The following CNTN4 variants were observed in gnomAD, a reference collection of about 807,000 sequenced individuals.
The protein encoded by CNTN4 is contactin-4.
A neutral mutation model predicts 122.5 loss-of-function variants in CNTN4; 77 were observed. That is an observed-to-expected ratio of 0.63 (90% CI 0.52 to 0.76). The LOEUF (loss-of-function observed/expected upper bound fraction) is 0.76, where lower values mean the gene tolerates loss of function less well. Among genes scored for constraint, CNTN4 ranks in the 30% least tolerant of loss-of-function variants. The probability of loss-of-function intolerance (pLI) is 0.00; values close to 1 mark genes in which losing one functional copy is unlikely to be tolerated. For synonymous variants in CNTN4, 512 were observed against 447.0 expected (o/e 1.15, Z -1.83); for missense variants, 1,256 against 1,259.1 (o/e 1.00, Z 0.04).
chr3:2,496,391 A>G (rs1187450577), intron 3 of CNTN4, among the ~76,000 whole-genome samples: 1 of 152,190 alleles, frequency 6.6e-6, no homozygotes, highest in East Asian at 1.9e-4. Flanking sequence ...CTTTCTCCAC[A>G]AAGTTCAGAA....
At position 2,895,800 on chromosome 3, in the gene CNTN4, C is replaced by T. The variant is rs186185089; in HGVS notation, c.941-4885C>T. On this transcript the variant is annotated intron_variant, in intron 10 of 24. Coordinates refer to ENST00000418658, the MANE Select transcript of CNTN4 (RefSeq NM_175607.3). ...CTGTCATCCCAGCACTTTGGGAGGC[C>T]GAGGCGGGCGGATCACAAGGTCAGG... Among the ~76,000 whole-genome samples, 61 of 152,230 alleles carry T rather than the reference C, an allele frequency of 4.0e-4. No homozygotes were observed. In the East Asian group the frequency reaches 5.8e-3, roughly 14 times the overall value.
intron 6 of CNTN4, among the ~76,000 whole-genome samples, chr3:2,799,286 A>C (rs1395617583): frequency 6.6e-6 from 1 of 152,006 alleles, no homozygotes; most frequent in Non-Finnish European, 1.5e-5. Context: ...TATTCTTCAG[A>C]TTGTCTATTC....
rs1559779246 is a variant in CNTN4 at position 3,006,035 on chromosome 3, ACCC to A, written c.1486+17566_1486+17568del. 3.3e-5 allele frequency among the ~76,000 whole-genome samples: 5 copies of A among 150,130 alleles called. No individual in the cohort carries two copies. In the East Asian group the frequency reaches 9.8e-4, roughly 29 times the overall value. ...CAAGTAGCTGGGACTACAGGCGCCC[ACCC>A]CCACGCTCGGCTAATTTTTTTTTGC... On this transcript the variant is annotated intron_variant, in intron 14 of 24. Coordinates refer to ENST00000418658, the MANE Select transcript of CNTN4 (RefSeq NM_175607.3).
intron 3 of CNTN4, among the ~76,000 whole-genome samples, chr3:2,398,330 T>C (rs1293267045): frequency 6.6e-6 from 1 of 152,166 alleles, no homozygotes; most frequent in Non-Finnish European, 1.5e-5. Context: ...TAACTCATTT[T>C]CTATTTTAAA....
intron 2 of CNTN4, among the ~76,000 whole-genome samples, chr3:2,236,524 A>G (rs569719000): frequency 6.6e-6 from 1 of 152,202 alleles, no homozygotes; most frequent in African/African-American, 2.4e-5. Flanking sequence ...AAGAGTAAAT[A>G]GTTTTGTTTT....
chr3:2,328,022 A>G (rs977144570), intron 2 of CNTN4, among the ~76,000 whole-genome samples: 20 of 152,218 alleles, frequency 1.3e-4, no homozygotes, highest in Admixed American at 2.6e-4. Context: ...GTTGCCAAGA[A>G]GAATTTGAAC....
chr3:2,767,682 A>G (rs2090922580), intron 6 of CNTN4, among the ~76,000 whole-genome samples: 1 of 152,196 alleles, frequency 6.6e-6, no homozygotes, highest in East Asian at 1.9e-4. Context: ...ACTAATCCCA[A>G]ACAGTGAATT....
At chr3:3,036,927 G>A (rs961070671) in intron 17 of CNTN4, among the ~76,000 whole-genome samples, 2 of 152,168 alleles carry the variant, frequency 1.3e-5, no homozygotes, top group African/African-American at 4.8e-5. Flanking sequence ...GTAGTTTGGG[G>A]TCTTGTGGAC....
At chr3:2,564,978 A>G (rs1353122124) in intron 3 of CNTN4, among the ~76,000 whole-genome samples, 1 of 152,106 alleles carries the variant, frequency 6.6e-6, no homozygotes, top group African/African-American at 2.4e-5. Context: ...ATGTACTCAT[A>G]TTTATGGTTA....
At chr3:2,161,798 G>T (rs766617907) in intron 2 of CNTN4, among the ~76,000 whole-genome samples, 2 of 152,298 alleles carry the variant, frequency 1.3e-5, no homozygotes, top group Non-Finnish European at 2.9e-5. Flanking sequence ...TGAGGTTTGT[G>T]TATGTTAGAG....
rs550455067 is a variant in CNTN4, at chr3:2,549,559, A to T, written c.-88-21857A>T. Among the ~76,000 whole-genome samples the T allele has an allele frequency of 1.8e-3, 267 of 152,268 alleles. 1 individual carries two copies. The highest frequency in any genetic ancestry group is 6.1e-3 in the African/African-American group (255 of 41,566). ...TCCCAAGGATGAAGCCGACTTGATC[A>T]TGGTGGATAAGCTTTTTGATGTACT... On this transcript the variant is annotated intron_variant, in intron 3 of 24. Coordinates refer to ENST00000418658, the MANE Select transcript of CNTN4 (RefSeq NM_175607.3).
chr3:2,536,179 C>T (rs1473794700), intron 3 of CNTN4, among the ~76,000 whole-genome samples: 2 of 152,120 alleles, frequency 1.3e-5, no homozygotes, highest in Non-Finnish European at 2.9e-5. Flanking sequence ...CCATATAACT[C>T]AAAGATGACG....
chr3:2,761,123 C>G (rs565063849), intron 6 of CNTN4, among the ~76,000 whole-genome samples: 53 of 152,258 alleles, frequency 3.5e-4, no homozygotes, highest in African/African-American at 1.2e-3. Context: ...ACCTTGTACT[C>G]GTTTTCTAAG....
At chr3:2,362,655 A>T in intron 3 of CNTN4, 1 of 412,238 alleles carries the variant, frequency 2.4e-6, no homozygotes, top group South Asian at 2.0e-5. Context: ...CCAACTTGAG[A>T]TCAATGATGA....
At chr3:2,166,744 G>T (rs931841423) in intron 2 of CNTN4, among the ~76,000 whole-genome samples, 1 of 152,120 alleles carries the variant, frequency 6.6e-6, no homozygotes, top group Non-Finnish European at 1.5e-5. Context: ...GCCTAGCCTT[G>T]TTCCTGAAGG....
chr3:3,006,100 T>A (rs1411766748), intron 14 of CNTN4, among the ~76,000 whole-genome samples: 1 of 151,986 alleles, frequency 6.6e-6, no homozygotes, highest in Non-Finnish European at 1.5e-5. Context: ...ATGGTCTTGA[T>A]CTCCTGACCT....
chr3:2,925,528 G>C (rs1265363060), intron 12 of CNTN4, 101 bp from the exon 13 acceptor site: 8 of 1,338,148 alleles, frequency 6.0e-6, no homozygotes, highest in Non-Finnish European at 8.4e-6. Context: ...ACTGGCAACA[G>C]AGCAAGACTC....
intron 3 of CNTN4, among the ~76,000 whole-genome samples, chr3:2,547,229 GATATTTAT>G: frequency 6.9e-6 from 1 of 144,750 alleles, no homozygotes; most frequent in South Asian, 2.2e-4. Context: ...GGTTTTGTAT[GATATTTAT>G]TTATTTATTT....
chr3:3,003,570 G>A lies in CNTN4; in HGVS notation c.1486+15098G>A, dbSNP rs546773033. On this transcript the variant is annotated intron_variant, in intron 14 of 24. Coordinates refer to ENST00000418658, the MANE Select transcript of CNTN4 (RefSeq NM_175607.3). Reference sequence around the variant, plus strand: ...ATTTATAGAAACAGAAAGTAGATTCGTAGCTGCCAGGGGATTCAAGGAGGC... The same window carrying A: ...ATTTATAGAAACAGAAAGTAGATTCATAGCTGCCAGGGGATTCAAGGAGGC... 5.3e-5 allele frequency among the ~76,000 whole-genome samples: 8 copies of A among 151,098 alleles called. No individual in the cohort carries two copies. The East Asian group carries it at 5.9e-4, about 11-fold the overall frequency.
Sources: gnomAD v4.1 joint callset for allele counts (sites outside exome capture counted in the v4.1 genomes callset) on GRCh38, gnomAD v4.1.1 for gene constraint, MANE v1.5 for transcripts, NCBI Gene and HGNC (gene_info 2026-07-23, HGNC 2026-07-21) for gene names.